Variants in RANBP2 observed in about 807,000 individuals in gnomAD.
RANBP2 encodes the protein RAN binding protein 2.
In RANBP2, 57 loss-of-function variants were observed where a neutral mutation model predicts 303.6. That is an observed-to-expected ratio of 0.19 (90% CI 0.15 to 0.23). The LOEUF is 0.23. Ranked by LOEUF, RANBP2 falls within the 10% of genes least tolerant of loss-of-function variation. RANBP2 has a pLI of 1.00. For synonymous variants in RANBP2, 1,167 were observed against 1,301.5 expected, an observed-to-expected ratio of 0.90 and a Z score of 2.23; for missense variants, 3,138 against 3,780.8, an observed-to-expected ratio of 0.83 and a Z score of 4.46.
At chr2:109,296,089 C>T in the RANBP2 span, among the ~76,000 whole-genome samples, 85 of 152,250 alleles carry the variant, frequency 5.6e-4, no homozygotes, top group African/African-American at 2.0e-3. Context: ...AGGTTGGCCC[C>T]CCAGAAGGCT....
chr2:108,789,852 AG>A (rs536439608), downstream of RANBP2, among the ~76,000 whole-genome samples: 35 of 152,362 alleles, frequency 2.3e-4, no homozygotes, highest in African/African-American at 8.4e-4. Flanking sequence ...GGTAAAATAA[AG>A]ATCTAAGTTG....
At chr2:109,157,266 A>C in the RANBP2 span, among the ~76,000 whole-genome samples, 3 of 152,230 alleles carry the variant, frequency 2.0e-5, no homozygotes, top group Non-Finnish European at 4.4e-5. Context: ...CAGTCAGGCC[A>C]GCAGAGAGCC....
At chr2:109,531,534 C>G in the RANBP2 span, among the ~76,000 whole-genome samples, 2 of 152,194 alleles carry the variant, frequency 1.3e-5, no homozygotes, top group Admixed American at 6.5e-5. Flanking sequence ...GCATCGTGGC[C>G]CTAATCAATG....
the RANBP2 span, among the ~76,000 whole-genome samples, chr2:108,840,141 T>C: frequency 1.3e-5 from 2 of 152,176 alleles, no homozygotes; most frequent in Non-Finnish European, 2.9e-5. Flanking sequence ...AACTTGTTAA[T>C]ATGAATTACA....
chr2:109,163,466 T>C, the RANBP2 span, among the ~76,000 whole-genome samples: 2 of 135,090 alleles, frequency 1.5e-5, no homozygotes, highest in African/African-American at 5.7e-5. Context: ...TGGCGGGATC[T>C]CGGCTCACTG....
chr2:109,590,050 GTGTGTGTA>G, the RANBP2 span, among the ~76,000 whole-genome samples: 1 of 143,952 alleles, frequency 6.9e-6, no homozygotes. Flanking sequence ...ACATATATAT[GTGTGTGTA>G]TATATATACA....
At chr2:109,415,311 C>T in the RANBP2 span, among the ~76,000 whole-genome samples, 2 of 152,190 alleles carry the variant, frequency 1.3e-5, no homozygotes, top group East Asian at 1.9e-4. Context: ...TGGCTAAGCA[C>T]GTGGCCTGAG....
chr2:109,425,775 A>T, the RANBP2 span, among the ~76,000 whole-genome samples: 3 of 152,270 alleles, frequency 2.0e-5, no homozygotes, highest in Non-Finnish European at 4.4e-5. Flanking sequence ...ATGGAGATGT[A>T]CAAGGAGATG....
At chr2:109,431,528 C>T in the RANBP2 span, among the ~76,000 whole-genome samples, 4 of 152,142 alleles carry the variant, frequency 2.6e-5, no homozygotes, top group Admixed American at 1.3e-4. Flanking sequence ...GAGTTAGAGG[C>T]ACAGCATCTA....
At chr2:109,125,890 T>G in the RANBP2 span, among the ~76,000 whole-genome samples, 1 of 152,262 alleles carries the variant, frequency 6.6e-6, no homozygotes, top group Non-Finnish European at 1.5e-5. Flanking sequence ...AACCAGAAAT[T>G]GTAAACTGGC....
chr2:109,295,847 A>G, the RANBP2 span, among the ~76,000 whole-genome samples: 1 of 152,140 alleles, frequency 6.6e-6, no homozygotes, highest in Non-Finnish European at 1.5e-5. Context: ...ATCTCTGTGT[A>G]GCTTGAAGCT....
the RANBP2 span, among the ~76,000 whole-genome samples, chr2:109,184,445 G>A: frequency 3.0e-4 from 46 of 152,312 alleles, no homozygotes; most frequent in East Asian, 5.8e-4. Context: ...TTGCTGTGGC[G>A]GGGCCCTGGG....
At chr2:109,765,550 G>A in the RANBP2 span, among the ~76,000 whole-genome samples, 1 of 150,294 alleles carries the variant, frequency 6.7e-6, no homozygotes, top group Non-Finnish European at 1.5e-5. Flanking sequence ...GAGGGGGCAT[G>A]GGCACATCCT....
At chr2:109,369,043 A>G in the RANBP2 span, among the ~76,000 whole-genome samples, 18 of 152,144 alleles carry the variant, frequency 1.2e-4, no homozygotes, top group African/African-American at 3.9e-4. Flanking sequence ...CGTGGTGTTT[A>G]GAAAAGCCCT....
At chr2:109,116,928 G>T in the RANBP2 span, among the ~76,000 whole-genome samples, 1 of 152,190 alleles carries the variant, frequency 6.6e-6, no homozygotes, top group African/African-American at 2.4e-5. Flanking sequence ...TAACAGCAGC[G>T]GTGGCTGCAG....
chr2:108,981,980 G>A, the RANBP2 span, among the ~76,000 whole-genome samples: 2 of 152,374 alleles, frequency 1.3e-5, no homozygotes, highest in Admixed American at 6.5e-5. Context: ...CTAGGTGCCA[G>A]AGAATGAACA....
chr2:109,140,098 C>T, the RANBP2 span, among the ~76,000 whole-genome samples: 2 of 152,204 alleles, frequency 1.3e-5, no homozygotes, highest in African/African-American at 4.8e-5. Flanking sequence ...CCACTTAGTC[C>T]TGGGAGGCCC....
the RANBP2 span, among the ~76,000 whole-genome samples, chr2:109,508,900 C>A: frequency 6.6e-6 from 1 of 152,192 alleles, no homozygotes. Flanking sequence ...GCCTGAGGAG[C>A]AAAGGCGCTA....
the RANBP2 span, among the ~76,000 whole-genome samples, chr2:109,516,775 G>A: frequency 6.6e-6 from 1 of 152,232 alleles, no homozygotes; most frequent in Non-Finnish European, 1.5e-5. Context: ...CCTACCTCTT[G>A]CCTTCAGATG....
Sources: gnomAD v4.1 joint callset for allele counts (sites outside exome capture counted in the v4.1 genomes callset) on GRCh38, gnomAD v4.1.1 for gene constraint, MANE v1.5 for transcripts, NCBI Gene and HGNC (gene_info 2026-07-23, HGNC 2026-07-21) for gene names.